Variants in SNTG2 observed in about 807,000 individuals in gnomAD.
The protein encoded by SNTG2 is syntrophin gamma 2.
In SNTG2, 74 loss-of-function variants were observed where a neutral mutation model predicts 70.9. The observed-to-expected ratio is 1.04, with a 90% CI of 0.86 to 1.27. The LOEUF (loss-of-function observed/expected upper bound fraction) is 1.27, where lower values mean the gene tolerates loss of function less well. Ranked by LOEUF, SNTG2 falls within the 50% of genes most tolerant of loss-of-function variation. The probability of loss-of-function intolerance (pLI) is 0.00; values close to 1 mark genes in which losing one functional copy is unlikely to be tolerated. For synonymous variants in SNTG2, 278 were observed against 273.8 expected (o/e 1.02, Z -0.15); for missense variants, 717 against 690.7 (o/e 1.04, Z -0.43).
intron 8 of SNTG2, among the ~76,000 whole-genome samples, chr2:1,207,100 A>G (rs2147985474): frequency 6.6e-6 from 1 of 152,364 alleles, no homozygotes. Context: ...GTATGCAGTC[A>G]TTTATAATGA....
At chr2:1,045,502 T>C (rs1048263615) in intron 1 of SNTG2, among the ~76,000 whole-genome samples, 1 of 152,122 alleles carries the variant, frequency 6.6e-6, no homozygotes, top group Non-Finnish European at 1.5e-5. Context: ...TTCTAACTTT[T>C]TGATTTGGGT....
chr2:1,041,027 A>G (rs1655651904), intron 1 of SNTG2, among the ~76,000 whole-genome samples: 1 of 152,298 alleles, frequency 6.6e-6, no homozygotes, highest in East Asian at 1.9e-4. Flanking sequence ...GAGAAAAGGG[A>G]ATACCTTTTG....
chr2:1,241,584 T>C (rs28575678), intron 11 of SNTG2, among the ~76,000 whole-genome samples: 1,622 of 152,312 alleles, frequency 0.011, 24 homozygotes, highest in African/African-American at 0.036. Flanking sequence ...ACTCATCATT[T>C]AACATTAAGT....
In SNTG2 at chr2:979,103, A is replaced by G. The variant is rs146601325; in HGVS notation, c.72+28035A>G. Among the ~76,000 whole-genome samples, 49 of 152,350 alleles carry G rather than the reference A, an allele frequency of 3.2e-4. No homozygotes were observed. The East Asian group carries it at 9.1e-3, about 28-fold the overall frequency. Reference sequence around the variant, plus strand: ...TGAAAGGAAAATGGAAATCAAATGGAAATTGAAATGAAAATCAAATGGAAA... The same window carrying G: ...TGAAAGGAAAATGGAAATCAAATGGGAATTGAAATGAAAATCAAATGGAAA... On this transcript the variant is annotated intron_variant, in intron 1 of 16. Coordinates refer to ENST00000308624, the MANE Select transcript of SNTG2 (RefSeq NM_018968.4).
intron 8 of SNTG2, among the ~76,000 whole-genome samples, chr2:1,202,264 T>C (rs1673322257): frequency 6.6e-6 from 1 of 152,122 alleles, no homozygotes; most frequent in Admixed American, 6.5e-5. Flanking sequence ...TGATAATGTA[T>C]GTAGAAGTAA....
At chr2:1,096,165 C>T (rs1216981959) in intron 2 of SNTG2, among the ~76,000 whole-genome samples, 1 of 152,164 alleles carries the variant, frequency 6.6e-6, no homozygotes, top group Non-Finnish European at 1.5e-5. Context: ...TCCTTGGAAA[C>T]CCTCTGTCCA....
At chr2:1,274,226 G>A (rs1047057651) in intron 14 of SNTG2, among the ~76,000 whole-genome samples, 1 of 152,194 alleles carries the variant, frequency 6.6e-6, no homozygotes, top group African/African-American at 2.4e-5. Context: ...TGTCTTAAAT[G>A]TAAAGACAAA....
chr2:1,031,526 ATAT>A (rs1201098336), intron 1 of SNTG2, among the ~76,000 whole-genome samples: 84 of 54,156 alleles, frequency 1.6e-3, no homozygotes, highest in African/African-American at 3.8e-3. Flanking sequence ...ATATATATAT[ATAT>A]TTTTTTTTTT....
chr2:1,305,004 C>CT lies in SNTG2; in HGVS notation c.1285-3478dup, dbSNP rs576302363. ...CACTTGTGGAAGGAGGTACTTAGAACTTTTTTTTTTTTCTTGAACTCATTA... is the reference window on the plus strand; with the variant it reads ...CACTTGTGGAAGGAGGTACTTAGAACTTTTTTTTTTTTTCTTGAACTCATTA... On this transcript the variant is annotated intron_variant, in intron 14 of 16. Coordinates refer to ENST00000308624, the MANE Select transcript of SNTG2 (RefSeq NM_018968.4). Among the ~76,000 whole-genome samples the CT allele has an allele frequency of 2.9e-3, 433 of 146,990 alleles. 2 individuals are homozygous for CT. The highest frequency in any genetic ancestry group is 0.013 in the Admixed American group (190 of 14,668).
At chr2:1,089,693 G>A (rs899563166) in intron 2 of SNTG2, among the ~76,000 whole-genome samples, 1 of 152,188 alleles carries the variant, frequency 6.6e-6, no homozygotes, top group African/African-American at 2.4e-5. Context: ...GCACACAAAA[G>A]CACACTTTAT....
chr2:1,168,133 C>T (rs1670868885), intron 7 of SNTG2, among the ~76,000 whole-genome samples: 3 of 142,736 alleles, frequency 2.1e-5, no homozygotes, highest in Admixed American at 6.8e-5. Flanking sequence ...CGCCCACAGA[C>T]GGCAGAACTG....
In SNTG2 at chr2:1,097,233, C is replaced by T. The variant is rs1000914728; in HGVS notation, c.211-963C>T. On this transcript the variant is annotated intron_variant, in intron 2 of 16. Transcript: ENST00000308624. This position sits in a 1 kb window ranked among gnomAD's most constrained non-coding sequence, Gnocchi z 4.1. Reference sequence around the variant, plus strand: ...CTGCGGAAGCCCTCACAGCAGCCTCCCTGCATCTGCACCTGCACCGCTGGC... The same window carrying T: ...CTGCGGAAGCCCTCACAGCAGCCTCTCTGCATCTGCACCTGCACCGCTGGC... Among the ~76,000 whole-genome samples the T allele has an allele frequency of 2.0e-5, 3 of 152,220 alleles. No individual in the cohort carries two copies. The highest frequency in any genetic ancestry group is 7.2e-5 in the African/African-American group (3 of 41,450).
At chr2:1,232,250 TTTTC>T (rs1262061693) in intron 9 of SNTG2, among the ~76,000 whole-genome samples, 3 of 152,122 alleles carry the variant, frequency 2.0e-5, no homozygotes, top group African/African-American at 7.2e-5. Context: ...CCTATTGAAC[TTTTC>T]TTTGTCTCGA....
intron 9 of SNTG2, among the ~76,000 whole-genome samples, chr2:1,225,516 G>A (rs751661536): frequency 1.3e-5 from 2 of 152,150 alleles, no homozygotes; most frequent in Non-Finnish European, 2.9e-5. Context: ...GCGCATCCTT[G>A]TGTCCGGTCC....
chr2:1,017,299 C>A (rs1659925905), intron 1 of SNTG2, among the ~76,000 whole-genome samples: 1 of 152,162 alleles, frequency 6.6e-6, no homozygotes, highest in Non-Finnish European at 1.5e-5. Context: ...GAAATTGACT[C>A]TGTAAAGCAA....
chr2:972,755 C>G (rs183903457), intron 1 of SNTG2, among the ~76,000 whole-genome samples: 54 of 152,202 alleles, frequency 3.5e-4, no homozygotes, highest in African/African-American at 1.3e-3. Context: ...CACCCCTTTA[C>G]TCTTGCTCCC....
intron 16 of SNTG2, among the ~76,000 whole-genome samples, chr2:1,335,548 A>T (rs1659777320): frequency 6.6e-6 from 1 of 152,168 alleles, no homozygotes; most frequent in Non-Finnish European, 1.5e-5. Context: ...GGCCCAGGGA[A>T]AACCAAGAAA....
chr2:1,185,178 C>T (rs1229448800), intron 8 of SNTG2, among the ~76,000 whole-genome samples: 1 of 152,180 alleles, frequency 6.6e-6, no homozygotes, highest in Non-Finnish European at 1.5e-5. Flanking sequence ...CACATCCAGG[C>T]CACTCTGATG....
intron 1 of SNTG2, among the ~76,000 whole-genome samples, chr2:1,040,256 G>A (rs934929364): frequency 4.6e-5 from 7 of 152,184 alleles, no homozygotes; most frequent in Admixed American, 6.5e-5. Flanking sequence ...CCCTGTGGGC[G>A]GAACCCAGGC....
Sources: allele counts gnomAD v4.1 joint callset (sites outside exome capture counted in the v4.1 genomes callset), GRCh38; gene constraint gnomAD v4.1.1; non-coding constraint Gnocchi (gnomAD v3.1); transcripts MANE v1.5; gene names NCBI Gene and HGNC (gene_info 2026-07-23, HGNC 2026-07-21).